BMP7: variants seen among roughly 807,000 people sequenced by gnomAD.
The protein encoded by BMP7 is bone morphogenetic protein 7, also known as osteogenic protein 1.
A neutral mutation model predicts 41.2 loss-of-function variants in BMP7; 12 were observed. The ratio of observed to expected loss-of-function variants is 0.29; its 90% confidence interval spans 0.19 to 0.47. The LOEUF (loss-of-function observed/expected upper bound fraction) is 0.47, where lower values mean the gene tolerates loss of function less well. BMP7 is among the 20% of genes least tolerant of loss of function. The pLI is 0.99. For missense variants in BMP7, 467 were observed against 606.0 expected (o/e 0.77, Z 2.41); for synonymous variants, 248 against 250.0 (o/e 0.99, Z 0.07).
chr20:57,250,653 A>G (rs2066108684), intron 1 of BMP7, among the ~76,000 whole-genome samples: 1 of 152,108 alleles, frequency 6.6e-6, no homozygotes, highest in African/African-American at 2.4e-5. Flanking sequence ...TAAAAGAAAA[A>G]TATATAACTT....
intron 4 of BMP7, among the ~76,000 whole-genome samples, chr20:57,183,166 C>T (rs763902342): frequency 2.3e-4 from 35 of 151,264 alleles, no homozygotes; most frequent in Non-Finnish European, 4.4e-4. Flanking sequence ...ATCTGAGAGG[C>T]AGAAGTTGCA....
intron 3 of BMP7, among the ~76,000 whole-genome samples, chr20:57,189,556 C>T (rs1407215390): frequency 2.0e-5 from 3 of 152,174 alleles, no homozygotes; most frequent in Non-Finnish European, 2.9e-5. Context: ...GGGACTGCAC[C>T]GTCAATCCTG....
chr20:57,191,671 A>G (rs1307780034), intron 3 of BMP7, among the ~76,000 whole-genome samples: 2 of 150,596 alleles, frequency 1.3e-5, no homozygotes, highest in African/African-American at 2.4e-5. Context: ...CAGAGGTTGC[A>G]GTGAGCCGGA....
In BMP7 at chr20:57,228,738, T is replaced by C. The variant is rs561171438; in HGVS notation, c.419-317A>G. 3.6e-4 allele frequency among the ~76,000 whole-genome samples: 55 copies of C among 152,134 alleles called. No individual in the cohort carries two copies. Among genetic ancestry groups the C allele is most frequent in the African/African-American group, 1.3e-3 (54 of 41,500 alleles). On this transcript the variant is annotated intron_variant, in intron 1 of 6. Transcript: ENST00000395863. The surrounding 1 kb of genome is among the most constrained non-coding windows in gnomAD (Gnocchi z 4.5). ...CAGGTCCCAGGGGCTCAGGCCTGGG[T>C]TGGAATCTGGCCTCAGCCACTAACC...
chr20:57,222,988 G>C (rs1359864582), intron 2 of BMP7, among the ~76,000 whole-genome samples: 1 of 152,014 alleles, frequency 6.6e-6, no homozygotes, highest in Non-Finnish European at 1.5e-5. Flanking sequence ...AAGAAGAACA[G>C]TCTTCTCTGA....
chr20:57,231,228 C>G (rs186929205), intron 1 of BMP7, among the ~76,000 whole-genome samples: 25 of 152,342 alleles, frequency 1.6e-4, no homozygotes, highest in African/African-American at 5.8e-4. Flanking sequence ...ATCCACGTCA[C>G]CGTGCATGTT....
chr20:57,182,749 G>T (rs980485751), intron 4 of BMP7, among the ~76,000 whole-genome samples: 1 of 152,254 alleles, frequency 6.6e-6, no homozygotes, highest in Non-Finnish European at 1.5e-5. Context: ...GCTAAAAGCT[G>T]TCTGCTTTAG....
At chr20:57,232,679 C>T (rs972894955) in intron 1 of BMP7, among the ~76,000 whole-genome samples, 2 of 152,152 alleles carry the variant, frequency 1.3e-5, no homozygotes, top group African/African-American at 4.8e-5. Context: ...AAATTTCTTG[C>T]AAACATTTGT....
rs568578824 is a variant in BMP7 at position 57,190,669 on chromosome 20, G to A, written c.761-6750C>T. On this transcript the variant is annotated intron_variant, in intron 3 of 6. Coordinates refer to ENST00000395863, the MANE Select transcript of BMP7 (RefSeq NM_001719.3). ...GGAGAGAGAGTGGTGGTCCAGAAGC[G>A]CGTCCGCTCCTGCCCGCCCCTCCTC... Among the ~76,000 whole-genome samples the A allele has an allele frequency of 3.7e-4, 56 of 152,172 alleles. 1 individual carries two copies. In the South Asian group the frequency reaches 1.0e-2, roughly 27 times the overall value.
At chr20:57,243,804 CCT>C (rs1434060448) in intron 1 of BMP7, 1 of 152,320 alleles carries the variant, frequency 6.6e-6, no homozygotes, top group Non-Finnish European at 1.5e-5. Context: ...CCTCTCAGCC[CCT>C]TTCATTTCCC....
At chr20:57,249,699 C>T (rs771450665) in intron 1 of BMP7, among the ~76,000 whole-genome samples, 9 of 152,182 alleles carry the variant, frequency 5.9e-5, no homozygotes, top group Non-Finnish European at 1.3e-4. Flanking sequence ...CAATGAATTA[C>T]AGCTGCTGAA....
Position 57,242,662 on chromosome 20 carries a change from G to A in BMP7, c.419-14241C>T, listed in dbSNP as rs186557271. 6.6e-5 allele frequency among the ~76,000 whole-genome samples: 10 copies of A among 152,288 alleles called. No homozygotes were observed. In the East Asian group the frequency reaches 9.7e-4, roughly 15 times the overall value. On this transcript the variant is annotated intron_variant, in intron 1 of 6. Transcript: ENST00000395863. Reference sequence around the variant, plus strand: ...ACTGAGCACTTGAAATGTGGCTTCCGTGACTGAGATCTGAATGTTTAATTG... The same window carrying A: ...ACTGAGCACTTGAAATGTGGCTTCCATGACTGAGATCTGAATGTTTAATTG...
At chr20:57,254,017 C>CTTTTTTTTTTTTTTTTTTTTTT (rs35180643) in intron 1 of BMP7, among the ~76,000 whole-genome samples, 1 of 71,538 alleles carries the variant, frequency 1.4e-5, no homozygotes, top group Non-Finnish European at 2.4e-5. Context: ...GGTTTCTTTC[C>CTTTTTTTTTTTTTTTTTTTTTT]TTTTTTTTTT....
intron 2 of BMP7, among the ~76,000 whole-genome samples, chr20:57,218,830 G>A (rs527485248): frequency 1.3e-5 from 2 of 151,146 alleles, no homozygotes; most frequent in South Asian, 2.1e-4. Context: ...GCTGGTGTGT[G>A]TTCGGTGGTA....
At chr20:57,254,411 T>C (rs1247868275) in intron 1 of BMP7, among the ~76,000 whole-genome samples, 1 of 152,024 alleles carries the variant, frequency 6.6e-6, no homozygotes, top group Non-Finnish European at 1.5e-5. Flanking sequence ...ATCCTTTCCC[T>C]CCTCCCCACG....
At chr20:57,221,449 T>G (rs1006290873) in intron 2 of BMP7, among the ~76,000 whole-genome samples, 1 of 152,212 alleles carries the variant, frequency 6.6e-6, no homozygotes, top group African/African-American at 2.4e-5. Context: ...CATATGCGAC[T>G]GGGGAAAGAT....
chr20:57,221,978 GGGAGAGA>G, intron 2 of BMP7, among the ~76,000 whole-genome samples: 1 of 152,274 alleles, frequency 6.6e-6, no homozygotes, highest in African/African-American at 2.4e-5. Flanking sequence ...CAAGTGTCAT[GGGAGAGA>G]GGAGGCTCCA....
chr20:57,192,694 T>C (rs997516570), intron 3 of BMP7, among the ~76,000 whole-genome samples: 1 of 151,360 alleles, frequency 6.6e-6, no homozygotes, highest in Non-Finnish European at 1.5e-5. Flanking sequence ...AAATATATTT[T>C]AGCAGAGGTT....
intron 3 of BMP7, among the ~76,000 whole-genome samples, chr20:57,191,088 A>T (rs1984346681): frequency 6.6e-6 from 1 of 152,222 alleles, no homozygotes; most frequent in South Asian, 2.1e-4. Flanking sequence ...TAAACAAGCC[A>T]AGAAAGGAAG....
Sources: allele counts gnomAD v4.1 joint callset (sites outside exome capture counted in the v4.1 genomes callset), GRCh38; gene constraint gnomAD v4.1.1; non-coding constraint Gnocchi (gnomAD v3.1); transcripts MANE v1.5; gene names NCBI Gene and HGNC (gene_info 2026-07-23, HGNC 2026-07-21).